The following C10orf90 variants were observed in gnomAD, a reference collection of about 807,000 sequenced individuals.
C10orf90 encodes chromosome 10 open reading frame 90.
Under a neutral mutation model 62.5 loss-of-function variants are expected in C10orf90, and 56 were observed. The observed-to-expected ratio is 0.90, with a 90% CI of 0.72 to 1.12. The LOEUF (loss-of-function observed/expected upper bound fraction) is 1.12. Ranked by LOEUF, C10orf90 falls within the 50% of genes most tolerant of loss-of-function variation. The pLI is 0.00. For synonymous variants in C10orf90, 386 were observed against 340.4 expected, an observed-to-expected ratio of 1.13 and a Z score of -1.47; for missense variants, 970 against 880.4, an observed-to-expected ratio of 1.10 and a Z score of -1.29.
At chr10:126,533,218 G>A (rs1167663622) in intron 2 of C10orf90, among the ~76,000 whole-genome samples, 1 of 152,122 alleles carries the variant, frequency 6.6e-6, no homozygotes, top group African/African-American at 2.4e-5. Flanking sequence ...ACAGGCGGGA[G>A]CCACAGCACC....
At chr10:126,591,151 A>G (rs975662525) in intron 2 of C10orf90, among the ~76,000 whole-genome samples, 13 of 152,212 alleles carry the variant, frequency 8.5e-5, no homozygotes, top group Admixed American at 8.5e-4. Flanking sequence ...TACTGAAACT[A>G]TTCCAATCAA....
rs777496089 is a variant in C10orf90 at position 126,505,225 on chromosome 10, C to T, written c.406-140G>A. On this transcript the variant is annotated intron_variant, in intron 3 of 9. Transcript: ENST00000488181. ...CTTGTCCAAGGCTTTTTACTGCACACCTGATGCTCAGAGATGGCAGGAAGG... is the reference window on the plus strand; with the variant it reads ...CTTGTCCAAGGCTTTTTACTGCACATCTGATGCTCAGAGATGGCAGGAAGG... 2.7e-5 allele frequency: 21 copies of T among 788,666 alleles called. No individual in the cohort carries two copies. The South Asian group carries it at 3.8e-4, about 14-fold the overall frequency. The allele number at this position is 788,666 out of a possible 1,614,324, so 48.9% of individuals were successfully genotyped here.
intron 2 of C10orf90, among the ~76,000 whole-genome samples, chr10:126,637,473 G>A (rs545664167): frequency 8.0e-4 from 122 of 152,324 alleles, no homozygotes; most frequent in African/African-American, 2.8e-3. Flanking sequence ...CTGCTCTTGC[G>A]GAGCTTGTGG....
At chr10:126,521,196 C>G in intron 2 of C10orf90, 1 of 1,336,112 alleles carries the variant, frequency 7.5e-7, no homozygotes, top group East Asian at 2.4e-5. Context: ...CCCCTGGGGC[C>G]TCATACAGTA....
intron 4 of C10orf90, among the ~76,000 whole-genome samples, chr10:126,488,802 C>T (rs1285402520): frequency 2.0e-5 from 3 of 152,010 alleles, no homozygotes; most frequent in Non-Finnish European, 2.9e-5. Flanking sequence ...TATGAGATGG[C>T]AAATTCCTTG....
At chr10:126,664,751 T>C (rs1213411622) in intron 1 of C10orf90, among the ~76,000 whole-genome samples, 1 of 152,222 alleles carries the variant, frequency 6.6e-6, no homozygotes, top group Non-Finnish European at 1.5e-5. Context: ...CATTAAATAC[T>C]GTCCATTGTA....
intron 4 of C10orf90, among the ~76,000 whole-genome samples, chr10:126,476,146 T>C (rs904719530): frequency 2.6e-5 from 4 of 152,136 alleles, no homozygotes; most frequent in African/African-American, 9.7e-5. Flanking sequence ...GGAAAGGAAG[T>C]GAATTCCAAG....
chr10:126,493,163 G>GAA (rs35431467), intron 4 of C10orf90, among the ~76,000 whole-genome samples: 37 of 136,968 alleles, frequency 2.7e-4, no homozygotes, highest in African/African-American at 3.8e-4. Flanking sequence ...CTTTTTTGTT[G>GAA]AAAAAAAAAA....
chr10:126,438,655 T>C (rs1056819019), intron 7 of C10orf90, among the ~76,000 whole-genome samples: 1 of 152,200 alleles, frequency 6.6e-6, no homozygotes, highest in Non-Finnish European at 1.5e-5. Flanking sequence ...AACTATAGGA[T>C]ATTAACAGCT....
intron 7 of C10orf90, among the ~76,000 whole-genome samples, chr10:126,450,676 A>G (rs1378998465): frequency 6.6e-6 from 1 of 152,242 alleles, no homozygotes; most frequent in African/African-American, 2.4e-5. Flanking sequence ...AATTTACACC[A>G]TATTTAAAAA....
At chr10:126,487,142 C>CAAAAAAA (rs1158481155) in intron 4 of C10orf90, among the ~76,000 whole-genome samples, 6 of 29,454 alleles carry the variant, frequency 2.0e-4, no homozygotes, top group African/African-American at 6.9e-4. Flanking sequence ...AAAACTCTGT[C>CAAAAAAA]AAAAAAAAAA....
At chr10:126,649,323 T>C (rs1417626692) in intron 1 of C10orf90, among the ~76,000 whole-genome samples, 1 of 152,038 alleles carries the variant, frequency 6.6e-6, no homozygotes, top group African/African-American at 2.4e-5. Flanking sequence ...TGTAATCCTT[T>C]CATGCAGAAG....
intron 2 of C10orf90, among the ~76,000 whole-genome samples, chr10:126,532,066 C>T (rs752588739): frequency 4.6e-5 from 7 of 152,224 alleles, no homozygotes; most frequent in African/African-American, 7.2e-5. Context: ...TTGCCCCCCA[C>T]ATCCAGGGCA....
intron 3 of C10orf90, among the ~76,000 whole-genome samples, chr10:126,508,190 A>AGAGAGT (rs1427624756): frequency 3.2e-3 from 473 of 149,730 alleles, no homozygotes; most frequent in Admixed American, 4.8e-3. Context: ...AGAGAGAGAG[A>AGAGAGT]GTGTGTGTGT....
At chr10:126,480,611 T>G (rs762804328) in intron 4 of C10orf90, among the ~76,000 whole-genome samples, 3 of 152,248 alleles carry the variant, frequency 2.0e-5, no homozygotes, top group Middle Eastern at 3.2e-3. Context: ...CACATGCATT[T>G]GAAAATGATC....
chr10:126,544,824 C>A (rs1366170242), intron 2 of C10orf90, among the ~76,000 whole-genome samples: 1 of 111,226 alleles, frequency 9.0e-6, no homozygotes, highest in Non-Finnish European at 1.8e-5. Context: ...CAATCCTGCC[C>A]ATTTGTACTG....
rs796319503 is a variant in C10orf90, at chr10:126,620,313, T to A, written c.313+26252A>T. ...AATTTCCAACTGAGTCAGGACCATT[T>A]TCCCCCTGCGTCATTGCTGTGGCCC... On this transcript the variant is annotated intron_variant, in intron 2 of 9. Transcript: ENST00000488181. Among the ~76,000 whole-genome samples the A allele has an allele frequency of 1.1e-4, 16 of 152,310 alleles. 1 individual carries two copies. Among genetic ancestry groups the A allele is most frequent in the African/African-American group, 3.6e-4 (15 of 41,574 alleles).
At chr10:126,475,889 T>G (rs991835970) in intron 4 of C10orf90, among the ~76,000 whole-genome samples, 2 of 152,166 alleles carry the variant, frequency 1.3e-5, no homozygotes, top group Non-Finnish European at 2.9e-5. Context: ...CTTTCTAATA[T>G]GTTTTTTTGA....
intron 2 of C10orf90, among the ~76,000 whole-genome samples, chr10:126,540,117 C>T (rs989360768): frequency 6.6e-6 from 1 of 151,998 alleles, no homozygotes; most frequent in Non-Finnish European, 1.5e-5. Context: ...TTAACAATGG[C>T]AACAAAATTA....
Sources: allele counts gnomAD v4.1 joint callset (sites outside exome capture counted in the v4.1 genomes callset), GRCh38; gene constraint gnomAD v4.1.1; transcripts MANE v1.5; gene names NCBI Gene and HGNC (gene_info 2026-07-23, HGNC 2026-07-21).